SLC7A5: variants seen among roughly 807,000 people sequenced by gnomAD.
SLC7A5 encodes solute carrier family 7 member 5.
A neutral mutation model predicts 50.2 loss-of-function variants in SLC7A5; 23 were observed. The ratio of observed to expected loss-of-function variants is 0.46; its 90% CI spans 0.33 to 0.65. SLC7A5 has a LOEUF of 0.65. Ranked by LOEUF, SLC7A5 falls within the 30% of genes least tolerant of loss-of-function variation. The pLI is 0.02. For synonymous variants in SLC7A5, 393 were observed against 330.6 expected (o/e 1.19, Z -2.05); for missense variants, 578 against 684.4 (o/e 0.84, Z 1.73).
chr16:87,834,302 C>A, intron 9 of SLC7A5, 112 bp downstream of exon 9: 1 of 1,072,706 alleles, frequency 9.3e-7, no homozygotes, highest in Non-Finnish European at 1.4e-6. Flanking sequence ...CTGAACCCTC[C>A]TGCCACCCAA....
intron 5 of SLC7A5, 71 bp downstream of exon 5, chr16:87,839,631 T>G: frequency 6.2e-7 from 1 of 1,605,426 alleles, no homozygotes; most frequent in Admixed American, 1.7e-5. Context: ...GGGGCACCAC[T>G]CCGGTCTGGA....
At chr16:87,843,347 C>CTTTTTTTTTTTTTT (rs60307560) in intron 2 of SLC7A5, among the ~76,000 whole-genome samples, 5 of 63,258 alleles carry the variant, frequency 7.9e-5, no homozygotes, top group African/African-American at 2.6e-4. Context: ...GCCTGAGTAA[C>CTTTTTTTTTTTTTT]TTTTTTTTTT....
At chr16:87,844,338 G>A (rs1365259796) in intron 2 of SLC7A5, among the ~76,000 whole-genome samples, 5 of 152,232 alleles carry the variant, frequency 3.3e-5, no homozygotes, top group African/African-American at 1.2e-4. Flanking sequence ...CGAGAGCGGG[G>A]TAATTGCGGT....
At position 87,832,747 on chromosome 16, in the gene SLC7A5, G is replaced by C; in HGVS notation, c.*223C>G. 1 of 528,746 alleles carries C rather than the reference G, an allele frequency of 1.9e-6. No homozygotes were observed. The highest frequency in any genetic ancestry group is 2.0e-5 in the South Asian group (1 of 50,536). The allele number at this position is 528,746 out of a possible 1,614,324, so 32.8% of individuals were successfully genotyped here. On this transcript the variant is annotated 3_prime_UTR_variant, in exon 10 of 10. Transcript: ENST00000261622. This position sits in a 1 kb window ranked among gnomAD's most constrained non-coding sequence, Gnocchi z 4.6. ...CCCAAGGAGACCAAAAGCTGCTCCT[G>C]GGCAGGAGCACAGGCACACCTGGGT...
At chr16:87,851,900 T>C (rs1439985893) in intron 1 of SLC7A5, 51 bp from the exon 2 acceptor site, 1 of 1,610,678 alleles carries the variant, frequency 6.2e-7, no homozygotes, top group African/African-American at 1.3e-5. Context: ...AGACGCCAGC[T>C]CAGGGGTAGG....
intron 2 of SLC7A5, among the ~76,000 whole-genome samples, chr16:87,846,547 G>C (rs1241746679): frequency 6.6e-6 from 1 of 152,192 alleles, no homozygotes; most frequent in Non-Finnish European, 1.5e-5. Flanking sequence ...TCAGGGTGGG[G>C]CCTGATCTGA....
At chr16:87,867,462 C>A (rs1319943110) in intron 1 of SLC7A5, among the ~76,000 whole-genome samples, 1 of 152,180 alleles carries the variant, frequency 6.6e-6, no homozygotes, top group African/African-American at 2.4e-5. Flanking sequence ...CATGGTGGTG[C>A]GGCTGCTCGA....
chr16:87,845,009 G>A (rs949520477), intron 2 of SLC7A5, among the ~76,000 whole-genome samples: 6 of 152,234 alleles, frequency 3.9e-5, no homozygotes, highest in Non-Finnish European at 8.8e-5. Flanking sequence ...ATCCAGGGGA[G>A]ACAGAGCCAG....
chr16:87,835,630 C>T (rs545240626), intron 8 of SLC7A5, among the ~76,000 whole-genome samples: 56 of 152,342 alleles, frequency 3.7e-4, no homozygotes, highest in African/African-American at 9.4e-4. Context: ...CCCGCCACCA[C>T]GCCCAGCTAA....
Position 87,862,517 on chromosome 16 carries a change from C to G in SLC7A5, c.538+6368G>C, listed in dbSNP as rs2055411790. On this transcript the variant is annotated intron_variant, in intron 1 of 9. Coordinates refer to ENST00000261622, the MANE Select transcript of SLC7A5 (RefSeq NM_003486.7). The surrounding 1 kb of genome is among the most constrained non-coding windows in gnomAD (Gnocchi z 5.3). ...GTGACATCATCTCGCACCCAGAGCTCCAGACTAAAGGAAACCCTGGCTCCT... is the reference window on the plus strand; with the variant it reads ...GTGACATCATCTCGCACCCAGAGCTGCAGACTAAAGGAAACCCTGGCTCCT... Among the ~76,000 whole-genome samples, 2 of 152,228 alleles carry G rather than the reference C, an allele frequency of 1.3e-5. No individual in the cohort carries two copies. The highest frequency in any genetic ancestry group is 4.8e-5 in the African/African-American group (2 of 41,456).
chr16:87,836,509 G>A lies in SLC7A5; in HGVS notation c.1279C>T (p.Arg427Trp), dbSNP rs962308354. The change falls in exon 8 of 10, where the codon CGG (arginine) becomes TGG (tryptophan). Residue 427 changes from arginine (R) to tryptophan (W), a missense_variant. Around this residue, in one of 2 missense-constraint regions of SLC7A5, gnomAD observed 465 missense variants for 594.6 expected, o/e 0.78. Coordinates refer to ENST00000261622, the MANE Select transcript of SLC7A5 (RefSeq NM_003486.7). The stretch of plus-strand genomic sequence containing the variant: ...GGCCCCGGGCTCACCTTGATGGGCC[G>A]CTCAAGCTCAGGCTTTCTGTGGCGC... ...WLRHRKPELE[R>W]PIKVNLALPV... 6 of 1,611,338 alleles carry A rather than the reference G, an allele frequency of 3.7e-6. No homozygotes were observed. The highest frequency in any genetic ancestry group is 3.3e-5 in the Admixed American group (2 of 60,008).
In SLC7A5 at chr16:87,851,734, C is replaced by A; in HGVS notation, c.654G>T (p.Gln218His). ...GGGGGACGTACTCACCCTTCCCGATCTGGACGAAGCCCAGCAGGATGATCA... is the reference window on the plus strand; with the variant it reads ...GGGGGACGTACTCACCCTTCCCGATATGGACGAAGCCCAGCAGGATGATCA... ...LALIILLGFV[Q>H]IGKGDVSNLD... The change falls in exon 2 of 10, where the codon CAG becomes CAT. Residue 218 changes from glutamine to histidine, a missense_variant. Physicochemically the swap from Gln to His is conservative, Grantham distance 24 (BLOSUM62 0). This residue lies in a region of SLC7A5 where 465 missense variants were observed against 594.6 expected (regional missense o/e 0.78). Coordinates refer to ENST00000261622, the MANE Select transcript of SLC7A5 (RefSeq NM_003486.7). 6.2e-7 allele frequency: 1 copy of A among 1,612,780 alleles called. No individual in the cohort carries two copies. The highest frequency in any genetic ancestry group is 8.5e-7 in the Non-Finnish European group (1 of 1,179,668).
chr16:87,851,006 A>T (rs535212511), intron 2 of SLC7A5, among the ~76,000 whole-genome samples: 1 of 152,320 alleles, frequency 6.6e-6, no homozygotes, highest in Non-Finnish European at 1.5e-5. Context: ...TCCTTCTACC[A>T]GCCCCAAGAG....
At position 87,869,490 on chromosome 16, in the gene SLC7A5, C is replaced by T; in HGVS notation, c.-68G>A. ...CCCAGCGAGCAGTGTGCGCGCCGCC[C>T]GCCGCCCGCAGCTGCGTCAGGAACC... On this transcript the variant is annotated 5_prime_UTR_variant, in exon 1 of 10. Coordinates refer to ENST00000261622, the MANE Select transcript of SLC7A5 (RefSeq NM_003486.7). The T allele has an allele frequency of 8.8e-7, 1 of 1,135,246 alleles. No individual in the cohort carries two copies. The highest frequency in any genetic ancestry group is 1.1e-6 in the Non-Finnish European group (1 of 922,366). The allele number at this position is 1,135,246 out of a possible 1,614,324, so 70.3% of individuals were successfully genotyped here. A position where few individuals can be genotyped will look rare whatever the true frequency, so the allele number is the denominator to read the frequency against.
intron 2 of SLC7A5, among the ~76,000 whole-genome samples, chr16:87,849,931 G>A (rs2055199050): frequency 6.6e-6 from 1 of 152,164 alleles, no homozygotes; most frequent in African/African-American, 2.4e-5. Flanking sequence ...TCCCCTCGAC[G>A]ATGAGGCAGG....
intron 2 of SLC7A5, among the ~76,000 whole-genome samples, chr16:87,846,852 A>G (rs1271075512): frequency 6.6e-6 from 1 of 152,188 alleles, no homozygotes; most frequent in African/African-American, 2.4e-5. Flanking sequence ...TGGACCCTGC[A>G]TGGCAGTGGC....
At chr16:87,866,480 T>C (rs2143838170) in intron 1 of SLC7A5, among the ~76,000 whole-genome samples, 1 of 152,174 alleles carries the variant, frequency 6.6e-6, no homozygotes, top group African/African-American at 2.4e-5. Flanking sequence ...TTTGCTTTTT[T>C]TTTGAGATGG....
intron 8 of SLC7A5, among the ~76,000 whole-genome samples, chr16:87,835,120 G>A (rs2054982332): frequency 6.6e-6 from 1 of 152,274 alleles, no homozygotes; most frequent in Admixed American, 6.5e-5. Context: ...GCCGCAACCT[G>A]CGGCTCGGCA....
rs61164920 is a variant in SLC7A5 at position 87,852,638 on chromosome 16, CTGTGTGTGTGTGTGTGTGTGTG to C, written c.539-811_539-790del. On this transcript the variant is annotated intron_variant, in intron 1 of 9. Transcript: ENST00000261622. This position sits in a 1 kb window ranked among gnomAD's most constrained non-coding sequence, Gnocchi z 4.5. Reference sequence around the variant, plus strand: ...CTGTAAGGCACCCAGCTCTGAGCCTCTGTGTGTGTGTGTGTGTGTGTGTGTGTGTGTGTGTGTGTGTGTGTGT... The same window carrying C: ...CTGTAAGGCACCCAGCTCTGAGCCTCTGTGTGTGTGTGTGTGTGTGTGTGT... 2.1e-3 allele frequency among the ~76,000 whole-genome samples: 241 copies of C among 116,852 alleles called. No homozygotes were observed. Among genetic ancestry groups the C allele is most frequent in the African/African-American group, 7.3e-3 (225 of 30,702 alleles). 76.7% of individuals were successfully genotyped at this position (116,852 alleles called of 152,430 possible).
Sources: gnomAD v4.1 joint callset for allele counts (sites outside exome capture counted in the v4.1 genomes callset) on GRCh38, gnomAD v4.1.1 for gene constraint, gnomAD v4.1.1 regional missense constraint, Gnocchi (gnomAD v3.1) non-coding constraint, MANE v1.5 for transcripts, NCBI Gene and HGNC (gene_info 2026-07-23, HGNC 2026-07-21) for gene names.